SMARCAD1: variants seen among roughly 807,000 people sequenced by gnomAD.
SMARCAD1 encodes the protein SWI/SNF-related matrix-associated actin-dependent regulator of chromatin subfamily A containing DEAD/H box 1.
Under a neutral mutation model 127.1 loss-of-function variants are expected in SMARCAD1, and 25 were observed. That is an observed-to-expected ratio of 0.20 (90% CI 0.14 to 0.27). The LOEUF is 0.27. Ranked by LOEUF, SMARCAD1 falls within the 10% of genes least tolerant of loss-of-function variation. The probability of loss-of-function intolerance (pLI) is 1.00; values close to 1 mark genes in which losing one functional copy is unlikely to be tolerated. For missense variants in SMARCAD1, 807 were observed against 1,206.0 expected (o/e 0.67, Z 4.90); for synonymous variants, 400 against 396.9 (o/e 1.01, Z -0.09).
chr4:94,238,082 A>G (rs1057272290), intron 5 of SMARCAD1, among the ~76,000 whole-genome samples: 8 of 152,128 alleles, frequency 5.3e-5, no homozygotes, highest in African/African-American at 1.9e-4. Context: ...ATGTGTTCCC[A>G]TGGACCCATC....
At chr4:94,271,987 G>C (rs1029365856) in intron 11 of SMARCAD1, among the ~76,000 whole-genome samples, 2 of 152,168 alleles carry the variant, frequency 1.3e-5, no homozygotes, top group African/African-American at 4.8e-5. Context: ...AGACCAAGTG[G>C]CTTAAACAAC....
chr4:94,253,584 C>G (rs1349706770), intron 9 of SMARCAD1: 40 of 1,051,788 alleles, frequency 3.8e-5, no homozygotes, highest in Non-Finnish European at 4.5e-5. Flanking sequence ...TGGAGTGTAG[C>G]AGGCTGCAGC....
chr4:94,283,363 A>T, intron 22 of SMARCAD1, 60 bp downstream of exon 22: 1 of 1,522,248 alleles, frequency 6.6e-7, no homozygotes, highest in Admixed American at 1.7e-5. Context: ...TGTGTAGACC[A>T]TTAGAATATA....
At chr4:94,267,284 A>G (rs1751870117) in intron 10 of SMARCAD1, among the ~76,000 whole-genome samples, 1 of 152,160 alleles carries the variant, frequency 6.6e-6, no homozygotes. Context: ...TCACTAACTC[A>G]AAAGTAGTAG....
chr4:94,215,387 G>A (rs1578999137), intron 2 of SMARCAD1, among the ~76,000 whole-genome samples: 2 of 152,092 alleles, frequency 1.3e-5, no homozygotes, highest in South Asian at 2.1e-4. Flanking sequence ...TTGGGAGGCC[G>A]AGGCAGGAGG....
chr4:94,244,388 GC>G (rs1385789199), intron 6 of SMARCAD1, among the ~76,000 whole-genome samples: 2 of 151,824 alleles, frequency 1.3e-5, no homozygotes, highest in Admixed American at 1.3e-4. Context: ...GAATTTTTCA[GC>G]AGTGATAGGG....
At chr4:94,210,328 A>C (rs535719349) in intron 2 of SMARCAD1, among the ~76,000 whole-genome samples, 1 of 152,260 alleles carries the variant, frequency 6.6e-6, no homozygotes, top group Non-Finnish European at 1.5e-5. Context: ...CTTTAATAAA[A>C]GATTGTTTTA....
At chr4:94,231,648 A>G (rs963203141) in intron 3 of SMARCAD1, among the ~76,000 whole-genome samples, 3 of 152,148 alleles carry the variant, frequency 2.0e-5, no homozygotes, top group African/African-American at 7.2e-5. Context: ...CTGGTTATGT[A>G]TCTGCCATCT....
Position 94,290,951 on chromosome 4 carries a change from G to T in SMARCAD1, c.*1417G>T. On this transcript the variant is annotated 3_prime_UTR_variant, in exon 24 of 24. Transcript: ENST00000354268. ...TGATTATTTAGATATTAAAGACTGA[G>T]AACTCACGGCTTAACCCCAGTCTTG... The T allele has an allele frequency of 2.2e-6, 1 of 452,324 alleles. No homozygotes were observed. Among genetic ancestry groups the T allele is most frequent in the South Asian group, 1.6e-5 (1 of 63,462 alleles). The allele number at this position is 452,324 out of a possible 1,614,324, so 28.0% of individuals were successfully genotyped here.
chr4:94,289,812 T>A lies in SMARCAD1; in HGVS notation c.*278T>A. 1 of 541,500 alleles carries A rather than the reference T, an allele frequency of 1.8e-6. No individual in the cohort carries two copies. Among genetic ancestry groups the A allele is most frequent in the South Asian group, 1.5e-5 (1 of 64,836 alleles). 33.5% of individuals were successfully genotyped at this position (541,500 alleles called of 1,614,324 possible). ...TGAATGGGGATTAGTTGGTGATTGT[T>A]TGTAACAAATATGCTAATGCTTTAG... On this transcript the variant is annotated 3_prime_UTR_variant, in exon 24 of 24. Transcript: ENST00000354268.
intron 10 of SMARCAD1, among the ~76,000 whole-genome samples, chr4:94,265,477 A>G (rs560534821): frequency 8.6e-5 from 13 of 151,922 alleles, no homozygotes; most frequent in Admixed American, 4.6e-4. Flanking sequence ...CCAATTTGCT[A>G]CTTTCAATAA....
intron 19 of SMARCAD1, 39 bp downstream of exon 19, chr4:94,279,089 A>C (rs887328070): frequency 1.2e-6 from 2 of 1,612,674 alleles, no homozygotes; most frequent in Non-Finnish European, 1.7e-6. Context: ...AGCTTTAATA[A>C]GAGGTTAAGT....
In SMARCAD1 at chr4:94,290,952, A is replaced by C; in HGVS notation, c.*1418A>C. 2.2e-6 allele frequency: 1 copy of C among 452,278 alleles called. No homozygotes were observed. Among genetic ancestry groups the C allele is most frequent in the Non-Finnish European group, 4.4e-6 (1 of 226,210 alleles). 28.0% of individuals were successfully genotyped at this position (452,278 alleles called of 1,614,324 possible). A position where few individuals can be genotyped will look rare whatever the true frequency, so the allele number is the denominator to read the frequency against. ...GATTATTTAGATATTAAAGACTGAG[A>C]ACTCACGGCTTAACCCCAGTCTTGA... is the stretch of plus-strand genomic sequence containing the variant. On this transcript the variant is annotated 3_prime_UTR_variant, in exon 24 of 24. Coordinates refer to ENST00000354268, the MANE Select transcript of SMARCAD1 (RefSeq NM_020159.5).
At chr4:94,243,433 T>A (rs1036229793) in intron 6 of SMARCAD1, among the ~76,000 whole-genome samples, 8 of 152,156 alleles carry the variant, frequency 5.3e-5, no homozygotes, top group Non-Finnish European at 1.0e-4. Flanking sequence ...CAATGCTCCG[T>A]TTTAGGCTAG....
chr4:94,253,031 C>T (rs755083034), intron 9 of SMARCAD1, 24 bp downstream of exon 9: 4 of 1,606,694 alleles, frequency 2.5e-6, no homozygotes, highest in Admixed American at 1.7e-5. Context: ...CTTTTTTTCC[C>T]CTTGTATGTG....
chr4:94,220,074 AG>A (rs1174373361), intron 2 of SMARCAD1, among the ~76,000 whole-genome samples: 9 of 152,198 alleles, frequency 5.9e-5, no homozygotes, highest in African/African-American at 2.2e-4. Flanking sequence ...TGAATTAAAA[AG>A]CGTCATTGCA....
At chr4:94,225,330 A>G (rs1744825081) in intron 2 of SMARCAD1, among the ~76,000 whole-genome samples, 1 of 152,102 alleles carries the variant, frequency 6.6e-6, no homozygotes, top group Admixed American at 6.5e-5. Flanking sequence ...TTGTCTTCAA[A>G]TGGCCTTTCC....
chr4:94,253,023 T>C lies in SMARCAD1; in HGVS notation c.1281+16T>C. On this transcript the variant is annotated intron_variant, in intron 9 of 23. Transcript: ENST00000354268. ...GGAGGCTCTGGTAAGGCTTTATTCT[T>C]TTTTTCCCCTTGTATGTGTGTGTGT... 6.2e-7 allele frequency: 1 copy of C among 1,608,346 alleles called. No homozygotes were observed. Among genetic ancestry groups the C allele is most frequent in the Non-Finnish European group, 8.5e-7 (1 of 1,179,974 alleles).
chr4:94,234,132 A>G lies in SMARCAD1; in HGVS notation c.537+10A>G, dbSNP rs745466770. Reference sequence around the variant, plus strand: ...CAATGATTTACTTAAGGTTATATTCATTGGTTATTGTAGCTGTAATGATGA... The same window carrying G: ...CAATGATTTACTTAAGGTTATATTCGTTGGTTATTGTAGCTGTAATGATGA... On this transcript the variant is annotated intron_variant, in intron 4 of 23. Coordinates refer to ENST00000354268, the MANE Select transcript of SMARCAD1 (RefSeq NM_020159.5). 3 of 1,580,418 alleles carry G rather than the reference A, an allele frequency of 1.9e-6. No individual in the cohort carries two copies. Among genetic ancestry groups the G allele is most frequent in the East Asian group, 2.3e-5 (1 of 43,590 alleles).
Sources: gnomAD v4.1 joint callset for allele counts (sites outside exome capture counted in the v4.1 genomes callset) on GRCh38, gnomAD v4.1.1 for gene constraint, MANE v1.5 for transcripts, NCBI Gene and HGNC (gene_info 2026-07-23, HGNC 2026-07-21) for gene names.